Variants in IFNAR1 observed in about 807,000 individuals in gnomAD.
The protein encoded by IFNAR1 is interferon alpha/beta receptor 1.
Under a neutral mutation model 62.1 loss-of-function variants are expected in IFNAR1, and 47 were observed. The observed-to-expected ratio is 0.76, with a 90% CI of 0.60 to 0.97. The LOEUF (loss-of-function observed/expected upper bound fraction) is 0.97. Among genes scored for constraint, IFNAR1 ranks in the 50% least tolerant of loss-of-function variants. The pLI is 0.00. For missense variants in IFNAR1, 638 were observed against 654.5 expected (o/e 0.97, Z 0.27); for synonymous variants, 219 against 226.9 (o/e 0.97, Z 0.31).
At chr21:33,338,733 GT>G (rs1342335462) in intron 2 of IFNAR1, among the ~76,000 whole-genome samples, 1 of 150,456 alleles carries the variant, frequency 6.6e-6, no homozygotes, top group South Asian at 2.1e-4. Context: ...TATGATAATA[GT>G]TTTTTTGTTG....
At chr21:33,347,964 G>T (rs1267385902) in intron 6 of IFNAR1, among the ~76,000 whole-genome samples, 1 of 152,184 alleles carries the variant, frequency 6.6e-6, no homozygotes, top group African/African-American at 2.4e-5. Context: ...GTGTTGGGGT[G>T]ATAGTTAACC....
intron 8 of IFNAR1, among the ~76,000 whole-genome samples, chr21:33,350,395 T>C (rs2083387728): frequency 6.6e-6 from 1 of 151,996 alleles, no homozygotes; most frequent in African/African-American, 2.4e-5. Flanking sequence ...TCCAAAACCA[T>C]TGGAAAGCAT....
rs754151386 is a variant in IFNAR1, at chr21:33,356,246, C to T, written c.*697C>T. On this transcript the variant is annotated 3_prime_UTR_variant, in exon 11 of 11. Transcript: ENST00000270139. The stretch of plus-strand genomic sequence containing the variant: ...ATGCTGCTGGCTACTGCATGTGCCA[C>T]ACCTGTCTGTTCGCCATTCCTAACA... The T allele has an allele frequency of 1.3e-5, 2 of 152,268 alleles. No homozygotes were observed. Among genetic ancestry groups the T allele is most frequent in the African/African-American group, 2.4e-5 (1 of 41,464 alleles). 9.4% of individuals were successfully genotyped at this position (152,268 alleles called of 1,614,324 possible).
rs2083381339 is a variant in IFNAR1 at position 33,349,535 on chromosome 21, A to G, written c.1135A>G (p.Asn379Asp). The G allele has an allele frequency of 2.5e-6, 4 of 1,598,098 alleles. No individual in the cohort carries two copies. The highest frequency in any genetic ancestry group is 3.4e-6 in the Non-Finnish European group (4 of 1,168,972). Residue 379 changes from asparagine to aspartate, a missense_variant, in exon 8 of 11, where the codon AAT (asparagine) becomes GAT (aspartate). Physicochemically the swap from Asn to Asp is conservative, Grantham distance 23. Coordinates refer to ENST00000270139, the MANE Select transcript of IFNAR1 (RefSeq NM_000629.3). ...YEIIFWENTS[N>D]AERKIIEKKT... Reference sequence around the variant, plus strand: ...AATTATTTTTTGGGAAAACACTTCAAATGCTGAGGTAAAAAGACTGTATAG... The same window carrying G: ...AATTATTTTTTGGGAAAACACTTCAGATGCTGAGGTAAAAAGACTGTATAG...
intron 2 of IFNAR1, among the ~76,000 whole-genome samples, chr21:33,336,671 G>C (rs1489762029): frequency 1.3e-5 from 2 of 151,946 alleles, no homozygotes; most frequent in Non-Finnish European, 2.9e-5. Flanking sequence ...GAAGACCTTG[G>C]AATAGGCCAC....
At chr21:33,345,153 T>C (rs1054593811) in intron 5 of IFNAR1, 93 bp from the exon 6 acceptor site, 69 of 678,348 alleles carry the variant, frequency 1.0e-4, no homozygotes, top group Non-Finnish European at 9.0e-5. Flanking sequence ...AACTATTACC[T>C]TATAATGATA....
upstream of IFNAR1, chr21:33,324,736 A>C: frequency 5.0e-6 from 2 of 396,454 alleles, no homozygotes; most frequent in Non-Finnish European, 9.4e-6. Flanking sequence ...TAGGCCGGAA[A>C]GAGTGAGGAA....
intron 3 of IFNAR1, 111 bp downstream of exon 3, chr21:33,341,285 AC>A: frequency 1.3e-6 from 1 of 789,514 alleles, no homozygotes; most frequent in South Asian, 2.0e-5. Context: ...TTTAAAAAGA[AC>A]AAAAATTCCC....
At chr21:33,335,096 C>A (rs1452565092) in intron 1 of IFNAR1, 4 of 792,874 alleles carry the variant, frequency 5.0e-6, no homozygotes, top group Non-Finnish European at 8.9e-6. Context: ...AGGACTCAAC[C>A]TTATTTATTT....
chr21:33,328,527 AT>A (rs1267389589), intron 1 of IFNAR1, among the ~76,000 whole-genome samples: 1 of 152,194 alleles, frequency 6.6e-6, no homozygotes, highest in African/African-American at 2.4e-5. Flanking sequence ...CCCAAAAAAA[AT>A]CATGTTGAAA....
intron 1 of IFNAR1, among the ~76,000 whole-genome samples, chr21:33,331,839 A>C (rs2083184017): frequency 6.6e-6 from 1 of 152,158 alleles, no homozygotes; most frequent in Non-Finnish European, 1.5e-5. Flanking sequence ...CCCCTTCTTT[A>C]TAGTCAGGCC....
At chr21:33,327,465 G>T (rs946751581) in intron 1 of IFNAR1, among the ~76,000 whole-genome samples, 6 of 152,190 alleles carry the variant, frequency 3.9e-5, no homozygotes, top group Non-Finnish European at 7.3e-5. Flanking sequence ...GCAACGGAGA[G>T]ATCAAGTAAC....
chr21:33,328,598 A>G (rs188241193), intron 1 of IFNAR1, among the ~76,000 whole-genome samples: 141 of 152,340 alleles, frequency 9.3e-4, no homozygotes, highest in Non-Finnish European at 1.6e-3. Flanking sequence ...GTGAGATTGT[A>G]ATGTTGCTCA....
At chr21:33,354,256 C>T (rs760559934) in intron 10 of IFNAR1, among the ~76,000 whole-genome samples, 24 of 152,154 alleles carry the variant, frequency 1.6e-4, no homozygotes, top group African/African-American at 5.6e-4. Context: ...GCAGGGGGAT[C>T]GCTTGAACCT....
chr21:33,326,876 G>T (rs2083131592), intron 1 of IFNAR1, among the ~76,000 whole-genome samples: 1 of 152,006 alleles, frequency 6.6e-6, no homozygotes, highest in East Asian at 1.9e-4. Flanking sequence ...ATACTTACTT[G>T]GGATGCATGG....
At chr21:33,327,680 T>G (rs911312399) in intron 1 of IFNAR1, among the ~76,000 whole-genome samples, 9 of 152,188 alleles carry the variant, frequency 5.9e-5, no homozygotes, top group Admixed American at 2.0e-4. Context: ...GAGACCGGTC[T>G]GAAATCAACT....
intron 3 of IFNAR1, among the ~76,000 whole-genome samples, 182 bp downstream of exon 3, chr21:33,341,356 G>A (rs555587390): frequency 2.7e-4 from 41 of 152,174 alleles, no homozygotes; most frequent in Non-Finnish European, 5.6e-4. Context: ...TGTAGTAGTG[G>A]TTCTCAAAGA....
At chr21:33,351,243 T>C (rs1340915393) in intron 8 of IFNAR1, among the ~76,000 whole-genome samples, 1 of 152,210 alleles carries the variant, frequency 6.6e-6, no homozygotes, top group Non-Finnish European at 1.5e-5. Flanking sequence ...ACTTCTTCCC[T>C]GCACCACCAG....
chr21:33,350,605 G>C (rs1305518034), intron 8 of IFNAR1, among the ~76,000 whole-genome samples: 1 of 152,152 alleles, frequency 6.6e-6, no homozygotes. Flanking sequence ...TAATATACGT[G>C]TTTCCCAGAT....
Sources: gnomAD v4.1 joint callset for allele counts (sites outside exome capture counted in the v4.1 genomes callset) on GRCh38, gnomAD v4.1.1 for gene constraint, MANE v1.5 for transcripts, NCBI Gene and HGNC (gene_info 2026-07-23, HGNC 2026-07-21) for gene names.